The following SHMT1 variants were observed in gnomAD, a reference collection of about 807,000 sequenced individuals.
SHMT1 encodes serine hydroxymethyltransferase 1.
A neutral mutation model predicts 49.0 loss-of-function variants in SHMT1; 45 were observed. That is an observed-to-expected ratio of 0.92 (90% confidence interval 0.72 to 1.18). The LOEUF (loss-of-function observed/expected upper bound fraction) is 1.18. Among genes scored for constraint, SHMT1 ranks in the 50% most tolerant of loss-of-function variants. The pLI, the probability that SHMT1 is intolerant of heterozygous loss-of-function variation, is 0.00. For synonymous variants in SHMT1, 232 were observed against 246.6 expected, an observed-to-expected ratio of 0.94 and a Z score of 0.55; for missense variants, 541 against 612.4, an observed-to-expected ratio of 0.88 and a Z score of 1.23.
At chr17:18,339,298 A>G (rs570074955) in intron 7 of SHMT1, among the ~76,000 whole-genome samples, 2 of 152,292 alleles carry the variant, frequency 1.3e-5, no homozygotes, top group South Asian at 4.1e-4. Flanking sequence ...TTCTAGTTTG[A>G]CTACTATGAG....
intron 7 of SHMT1, among the ~76,000 whole-genome samples, chr17:18,336,391 C>T (rs1475204509): frequency 1.3e-5 from 2 of 152,062 alleles, no homozygotes; most frequent in African/African-American, 4.8e-5. Flanking sequence ...TGTGGCTGGG[C>T]GTGGTGGTTC....
Position 18,351,575 on chromosome 17 carries a change from G to A in SHMT1, c.242+2097C>T, listed in dbSNP as rs868633671. On this transcript the variant is annotated intron_variant, in intron 3 of 11. Transcript: ENST00000316694. ...AGATCGAGACCAGCCTGGCTAACAC[G>A]GTGAAACCCCGTCTCTACTAAAAAT... 1.9e-4 allele frequency among the ~76,000 whole-genome samples: 29 copies of A among 151,906 alleles called. 1 individual carries two copies. Among genetic ancestry groups the A allele is most frequent in the African/African-American group, 6.8e-4 (28 of 41,454 alleles).
rs1317086355 is a variant in SHMT1, at chr17:18,340,652, TGC to T, written c.601+78_601+79del. ...GAAACTAGCAGTGGGCTCAACAGGG[TGC>T]GAACATCTTTCCATCCTCATTCTGT... On this transcript the variant is annotated intron_variant, in intron 6 of 11. Transcript: ENST00000316694. This position sits in a 1 kb window ranked among gnomAD's most constrained non-coding sequence, Gnocchi z 4.5. 8.1e-7 allele frequency: 1 copy of T among 1,240,634 alleles called. No individual in the cohort carries two copies. The highest frequency in any genetic ancestry group is 1.2e-6 in the Non-Finnish European group (1 of 862,076). 76.9% of individuals were successfully genotyped at this position (1,240,634 alleles called of 1,614,324 possible). A position where few individuals can be genotyped will look rare whatever the true frequency, so the allele number is the denominator to read the frequency against.
In SHMT1 at chr17:18,333,191, C is replaced by A. The variant is rs778398065; in HGVS notation, c.1029G>T (p.Thr343=). ...CTGTGACTATTTTGTAGCCCAGCTC[C>A]GTCAGGGCCTCAGACAGAGCCCTGC... ...ANCRALSEAL[T]ELGYKIVTGG... Residue 343 remains threonine (T), a synonymous_variant, in exon 9 of 12, where the codon ACG becomes ACT. Coordinates refer to ENST00000316694, the MANE Select transcript of SHMT1 (RefSeq NM_004169.5). The A allele has an allele frequency of 6.2e-7, 1 of 1,613,972 alleles. No homozygotes were observed. The highest frequency in any genetic ancestry group is 8.5e-7 in the Non-Finnish European group (1 of 1,179,982).
chr17:18,340,458 G>C lies in SHMT1; in HGVS notation c.602-203C>G. ...AACTCTTCAACGTCTTGGTGGTTGA[G>C]ATGGCCCCAACTACTATTGCCAGCG... On this transcript the variant is annotated intron_variant, in intron 6 of 11. Coordinates refer to ENST00000316694, the MANE Select transcript of SHMT1 (RefSeq NM_004169.5). The surrounding 1 kb of genome is among the most constrained non-coding windows in gnomAD (Gnocchi z 4.5). 8.7e-6 allele frequency: 6 copies of C among 686,110 alleles called. No individual in the cohort carries two copies. Among genetic ancestry groups the C allele is most frequent in the Non-Finnish European group, 1.5e-5 (6 of 390,738 alleles). The allele number at this position is 686,110 out of a possible 1,614,324, so 42.5% of individuals were successfully genotyped here.
Position 18,348,447 on chromosome 17 carries a change from G to A in SHMT1, c.243-7C>T. On this transcript the variant is annotated splice_polypyrimidine_tract_variant and splice_region_variant and intron_variant, in intron 3 of 11. Coordinates refer to ENST00000316694, the MANE Select transcript of SHMT1 (RefSeq NM_004169.5). ...CTCAGTCCCGCCATAGTATCTGTGG[G>A]AGAAGAGCAGGAGACTTAGATCCAC... 1 of 1,595,262 alleles carries A rather than the reference G, an allele frequency of 6.3e-7. No individual in the cohort carries two copies.
At chr17:18,351,353 A>T (rs1299039066) in intron 3 of SHMT1, among the ~76,000 whole-genome samples, 1 of 151,634 alleles carries the variant, frequency 6.6e-6, no homozygotes, top group Admixed American at 6.6e-5. Flanking sequence ...ACACCGTATT[A>T]GCCAGGATGG....
chr17:18,338,306 G>A (rs1462430737), intron 7 of SHMT1, among the ~76,000 whole-genome samples: 6 of 151,702 alleles, frequency 4.0e-5, no homozygotes, highest in Admixed American at 1.3e-4. Flanking sequence ...CAGTCGCCCC[G>A]TCTGGGAAGT....
intron 1 of SHMT1, among the ~76,000 whole-genome samples, chr17:18,357,381 T>C (rs1273263081): frequency 6.6e-6 from 1 of 150,826 alleles, no homozygotes; most frequent in Non-Finnish European, 1.5e-5. Flanking sequence ...TGGCAGGCCC[T>C]CATAAAATAG....
rs1165768768 is a variant in SHMT1, at chr17:18,355,954, T to C, written c.28A>G (p.Lys10Glu). The change falls in exon 2 of 12, where the codon AAG (lysine) becomes GAG (glutamate). Residue 10 changes from lysine to glutamate, a missense_variant. Lys to Glu is a moderately conservative substitution (Grantham distance 56, BLOSUM62 1). Coordinates refer to ENST00000316694, the MANE Select transcript of SHMT1 (RefSeq NM_004169.5). ...TGTGAGGACCACAGGTCAGCATCCT[T>C]GTGGGCCCCGTTGACTGGCATCGTC... MTMPVNGAHKDADLWSSHDK... is the reference protein window; with the variant it reads MTMPVNGAHEDADLWSSHDK... The C allele has an allele frequency of 1.2e-6, 2 of 1,614,094 alleles. No individual in the cohort carries two copies. Among genetic ancestry groups the C allele is most frequent in the Non-Finnish European group, 1.7e-6 (2 of 1,179,958 alleles).
chr17:18,353,825 G>A lies in SHMT1; in HGVS notation c.97-8C>T. 1.9e-6 allele frequency: 3 copies of A among 1,613,798 alleles called. No individual in the cohort carries two copies. The highest frequency in any genetic ancestry group is 2.2e-5 in the South Asian group (2 of 91,082). On this transcript the variant is annotated splice_polypyrimidine_tract_variant and splice_region_variant and intron_variant, in intron 2 of 11. Coordinates refer to ENST00000316694, the MANE Select transcript of SHMT1 (RefSeq NM_004169.5). Reference sequence around the variant, plus strand: ...CTTAATGATGTTGTAAACCTTATGAGAAGAAAACAGATGCTTGATATTTGG... The same window carrying A: ...CTTAATGATGTTGTAAACCTTATGAAAAGAAAACAGATGCTTGATATTTGG...
intron 7 of SHMT1, among the ~76,000 whole-genome samples, chr17:18,337,415 C>T (rs558141350): frequency 2.9e-4 from 44 of 152,282 alleles, no homozygotes; most frequent in African/African-American, 9.4e-4. Flanking sequence ...CAGCTAAAAA[C>T]GGTCCTTGGA....
At chr17:18,356,022 G>A in intron 1 of SHMT1, 22 bp from the exon 2 acceptor site, 1 of 1,059,484 alleles carries the variant, frequency 9.4e-7, no homozygotes, top group Non-Finnish European at 1.4e-6. Flanking sequence ...GGAAAAACAT[G>A]TGTAGCTTCC....
intron 5 of SHMT1, among the ~76,000 whole-genome samples, chr17:18,345,247 G>A (rs1022066069): frequency 2.0e-5 from 3 of 152,098 alleles, no homozygotes; most frequent in East Asian, 1.9e-4. Flanking sequence ...AACTGGGTGC[G>A]GGACGCAGAT....
At chr17:18,345,454 A>G (rs1490115342) in intron 5 of SHMT1, among the ~76,000 whole-genome samples, 1 of 151,906 alleles carries the variant, frequency 6.6e-6, no homozygotes, top group Non-Finnish European at 1.5e-5. Context: ...GAAGGCTTTC[A>G]CCATGTTGGC....
intron 1 of SHMT1, among the ~76,000 whole-genome samples, chr17:18,357,966 C>T (rs1309528110): frequency 1.3e-5 from 2 of 148,846 alleles, no homozygotes; most frequent in African/African-American, 5.0e-5. Flanking sequence ...CGGGTTCATG[C>T]CATTCTCCTG....
At chr17:18,336,789 T>C (rs1983845145) in intron 7 of SHMT1, among the ~76,000 whole-genome samples, 1 of 151,548 alleles carries the variant, frequency 6.6e-6, no homozygotes, top group South Asian at 2.1e-4. Context: ...CACAGAAAAA[T>C]TTAAAAATTA....
Position 18,328,479 on chromosome 17 carries a change from G to GT in SHMT1, c.*270dup. On this transcript the variant is annotated 3_prime_UTR_variant, in exon 12 of 12. Transcript: ENST00000316694. ...ATGATTATGACCAAGTGGCGACATA[G>GT]TATTTTATTTTCCTAGAATTATGTC... The GT allele has an allele frequency of 2.0e-6, 1 of 490,584 alleles. No individual in the cohort carries two copies. The highest frequency in any genetic ancestry group is 3.3e-5 in the Admixed American group (1 of 30,084). 30.4% of individuals were successfully genotyped at this position (490,584 alleles called of 1,614,324 possible).
chr17:18,332,938 A>G (rs191494338), intron 9 of SHMT1: 122 of 610,090 alleles, frequency 2.0e-4, no homozygotes, highest in African/African-American at 1.7e-3. Flanking sequence ...CTGGTGACCA[A>G]TGGCAACCAC....
Sources: allele counts gnomAD v4.1 joint callset (sites outside exome capture counted in the v4.1 genomes callset), GRCh38; gene constraint gnomAD v4.1.1; non-coding constraint Gnocchi (gnomAD v3.1); transcripts MANE v1.5; gene names NCBI Gene and HGNC (gene_info 2026-07-23, HGNC 2026-07-21).